Variants in PVT1 observed in about 807,000 individuals in gnomAD.
PVT1 encodes Pvt1 oncogene.
chr8:128,041,167 T>C (rs938659236), intron 4 of PVT1, among the ~76,000 whole-genome samples: 8 of 151,284 alleles, frequency 5.3e-5, no homozygotes, highest in Middle Eastern at 3.4e-3. Flanking sequence ...TGTGTGTTTC[T>C]GCATGTGTTT....
At chr8:127,973,965 C>T (rs1471712906) in intron 3 of PVT1, among the ~76,000 whole-genome samples, 2 of 148,314 alleles carry the variant, frequency 1.3e-5, no homozygotes, top group Non-Finnish European at 1.5e-5. Flanking sequence ...GGGGACAGAG[C>T]GAGACTCCGT....
intron 3 of PVT1, among the ~76,000 whole-genome samples, chr8:127,899,367 G>A (rs1395050119): frequency 6.6e-6 from 1 of 152,166 alleles, no homozygotes; most frequent in Non-Finnish European, 1.5e-5. Flanking sequence ...TGCATAGTAA[G>A]CCCTGAATCT....
At chr8:128,065,171 T>C (rs1437489712) in intron 4 of PVT1, among the ~76,000 whole-genome samples, 1 of 150,280 alleles carries the variant, frequency 6.7e-6, no homozygotes, top group Non-Finnish European at 1.5e-5. Flanking sequence ...GTTACATCCC[T>C]CTCAGAAGTC....
chr8:127,919,188 A>G (rs1382604875), intron 3 of PVT1, among the ~76,000 whole-genome samples: 1 of 152,112 alleles, frequency 6.6e-6, no homozygotes. Flanking sequence ...TTTATTTTCT[A>G]ATGTCACCTG....
At chr8:128,023,111 G>A (rs948554754) in intron 4 of PVT1, among the ~76,000 whole-genome samples, 1 of 152,092 alleles carries the variant, frequency 6.6e-6, no homozygotes, top group Non-Finnish European at 1.5e-5. Context: ...CAGGTGATCT[G>A]CCTGCCTTGG....
chr8:128,093,347 C>A (rs949316568), intron 5 of PVT1, among the ~76,000 whole-genome samples: 1 of 152,102 alleles, frequency 6.6e-6, no homozygotes, highest in African/African-American at 2.4e-5. Flanking sequence ...CACCTGAGGT[C>A]AGGAGTTCGA....
chr8:127,880,229 CT>C (rs1423293290), intron 2 of PVT1, among the ~76,000 whole-genome samples: 1 of 152,212 alleles, frequency 6.6e-6, no homozygotes, highest in African/African-American at 2.4e-5. Flanking sequence ...TAGCACTGTG[CT>C]AGGAGCTAGC....
chr8:127,865,214 A>T (rs1815274249), intron 2 of PVT1, among the ~76,000 whole-genome samples: 1 of 152,192 alleles, frequency 6.6e-6, no homozygotes, highest in Admixed American at 6.5e-5. Flanking sequence ...CACTGGAATC[A>T]GGATGGTCCT....
At chr8:128,010,566 C>A (rs1049329779) in intron 4 of PVT1, 1 of 152,152 alleles carries the variant, frequency 6.6e-6, no homozygotes, top group Non-Finnish European at 1.5e-5. Flanking sequence ...AATAATCGCA[C>A]CTCGGTGAAA....
rs62512788 is a variant in PVT1, at chr8:127,927,827, A to G, written n.782+36829A>G. ...CTTCTCACTACCTGGCATCCTCTGA[A>G]TTCACGAGCAGTTTGAAGAATGAGC... On this transcript the variant is annotated intron_variant and non_coding_transcript_variant, in intron 3 of 10. Coordinates refer to ENST00000651587, the Ensembl canonical transcript of PVT1. Among the ~76,000 whole-genome samples, 1,518 of 152,342 alleles carry G rather than the reference A, an allele frequency of 1.0e-2. 15 individuals are homozygous for G. The highest frequency in any genetic ancestry group is 0.017 in the Non-Finnish European group (1,184 of 68,036).
chr8:128,076,430 G>T (rs1055481026), intron 5 of PVT1, among the ~76,000 whole-genome samples: 1 of 152,126 alleles, frequency 6.6e-6, no homozygotes, highest in South Asian at 2.1e-4. Flanking sequence ...GGCAAGGAAT[G>T]TATTGTCTTC....
chr8:128,016,469 T>C (rs1264226227), intron 4 of PVT1, among the ~76,000 whole-genome samples: 1 of 152,206 alleles, frequency 6.6e-6, no homozygotes, highest in African/African-American at 2.4e-5. Context: ...GTCCTGAAAT[T>C]AATGTATCCC....
chr8:127,932,395 A>G (rs776679832), intron 3 of PVT1: 34 of 398,506 alleles, frequency 8.5e-5, no homozygotes, highest in Non-Finnish European at 1.4e-4. Flanking sequence ...GATTACCCCA[A>G]GGAGGCTCGA....
intron 2 of PVT1, among the ~76,000 whole-genome samples, chr8:127,843,202 A>G (rs1416339254): frequency 6.6e-6 from 1 of 152,114 alleles, no homozygotes; most frequent in African/African-American, 2.4e-5. Context: ...CTAAAAATAC[A>G]AAAATTAGCT....
intron 3 of PVT1, among the ~76,000 whole-genome samples, chr8:127,931,675 C>T (rs1272897306): frequency 6.6e-6 from 1 of 152,256 alleles, no homozygotes; most frequent in African/African-American, 2.4e-5. Context: ...GTGCTAACCA[C>T]TGAGCGGCAC....
chr8:128,066,297 T>C (rs1813909526), intron 4 of PVT1, among the ~76,000 whole-genome samples: 2 of 152,220 alleles, frequency 1.3e-5, no homozygotes, highest in Non-Finnish European at 2.9e-5. Context: ...GTTGGAATTC[T>C]AGTGAGAAAC....
intron 2 of PVT1, among the ~76,000 whole-genome samples, chr8:127,878,315 A>C (rs1323618499): frequency 6.6e-6 from 1 of 152,190 alleles, no homozygotes; most frequent in Non-Finnish European, 1.5e-5. Context: ...AGCCTGATTA[A>C]ATGGGAGCTT....
chr8:127,977,512 C>T (rs1331949539), intron 3 of PVT1, among the ~76,000 whole-genome samples: 1 of 152,180 alleles, frequency 6.6e-6, no homozygotes, highest in East Asian at 1.9e-4. Flanking sequence ...GTGGGCGGAT[C>T]ACTTGAGATC....
intron 3 of PVT1, among the ~76,000 whole-genome samples, chr8:127,895,783 C>T (rs888772600): frequency 3.9e-5 from 6 of 152,160 alleles, no homozygotes; most frequent in African/African-American, 1.4e-4. Context: ...GATTGGCAAA[C>T]TTTTTATATC....
Sources: gnomAD v4.1 joint callset for allele counts (sites outside exome capture counted in the v4.1 genomes callset) on GRCh38, gnomAD v4.1.1 for gene constraint, MANE v1.5 for transcripts, NCBI Gene and HGNC (gene_info 2026-07-23, HGNC 2026-07-21) for gene names.